MCC: variants seen among roughly 807,000 people sequenced by gnomAD.
MCC encodes colorectal mutant cancer protein.
Under a neutral mutation model 116.2 loss-of-function variants are expected in MCC, and 90 were observed. That is an observed-to-expected ratio of 0.77 (90% CI 0.65 to 0.92). The LOEUF (loss-of-function observed/expected upper bound fraction) is 0.92. Ranked by LOEUF, MCC falls within the 40% of genes least tolerant of loss-of-function variation. The pLI, the probability that MCC is intolerant of heterozygous loss-of-function variation, is 0.00. For missense variants in MCC, 1,516 were observed against 1,312.2 expected, an observed-to-expected ratio of 1.16 and a Z score of -2.40; for synonymous variants, 578 against 510.5, an observed-to-expected ratio of 1.13 and a Z score of -1.78.
chr5:113,360,620 C>T (rs754608957), intron 2 of MCC, among the ~76,000 whole-genome samples: 1 of 152,152 alleles, frequency 6.6e-6, no homozygotes, highest in Non-Finnish European at 1.5e-5. Context: ...GTTATGGAAC[C>T]ATTCAGACTT....
intron 3 of MCC, among the ~76,000 whole-genome samples, chr5:113,252,806 C>G (rs1374677021): frequency 1.3e-5 from 2 of 152,158 alleles, no homozygotes; most frequent in Admixed American, 1.3e-4. Context: ...CTCCTCCCAC[C>G]TCACTCCAAA....
chr5:113,173,131 T>C (rs1761159053), intron 3 of MCC, among the ~76,000 whole-genome samples: 1 of 152,212 alleles, frequency 6.6e-6, no homozygotes. Context: ...TTATCACATC[T>C]GTATGTTTCA....
At chr5:113,487,980 G>A (rs575202103) in intron 1 of MCC, among the ~76,000 whole-genome samples, 2 of 152,258 alleles carry the variant, frequency 1.3e-5, no homozygotes, top group Non-Finnish European at 2.9e-5. Context: ...GGAAGAGTGC[G>A]CATCCTAAGG....
intron 17 of MCC, among the ~76,000 whole-genome samples, chr5:113,032,824 C>A (rs202071714): frequency 6.6e-6 from 1 of 152,224 alleles, no homozygotes; most frequent in Non-Finnish European, 1.5e-5. Context: ...AAACCCAAGA[C>A]GGCCACAAGA....
At chr5:113,150,520 T>C (rs545317352) in intron 4 of MCC, among the ~76,000 whole-genome samples, 1 of 151,716 alleles carries the variant, frequency 6.6e-6, no homozygotes, top group East Asian at 1.9e-4. Flanking sequence ...TTAGAAAAAT[T>C]CAGAAGTGAG....
intron 3 of MCC, among the ~76,000 whole-genome samples, chr5:113,227,335 C>T (rs75574303): frequency 0.027 from 4,047 of 152,218 alleles, 91 homozygotes; most frequent in East Asian, 0.07. Flanking sequence ...TAAGTCTGTT[C>T]AAGTCTGCCA....
intron 3 of MCC, among the ~76,000 whole-genome samples, chr5:113,237,805 C>T (rs116200064): frequency 0.012 from 1,830 of 152,298 alleles, 40 homozygotes; most frequent in African/African-American, 0.043. Context: ...TGGCTGGATG[C>T]GACACACTGC....
At chr5:113,214,810 T>G (rs993613283) in intron 3 of MCC, among the ~76,000 whole-genome samples, 1 of 152,220 alleles carries the variant, frequency 6.6e-6, no homozygotes, top group Non-Finnish European at 1.5e-5. Context: ...CCATTCTCCA[T>G]GTAAAAAATA....
intron 1 of MCC, among the ~76,000 whole-genome samples, chr5:113,454,746 T>C (rs1017477583): frequency 2.6e-5 from 4 of 152,150 alleles, no homozygotes; most frequent in Non-Finnish European, 5.9e-5. Flanking sequence ...ATATTATATA[T>C]GGAGGGGAAA....
rs372744007 is a variant in MCC at position 113,167,748 on chromosome 5, AG to A, written c.628-16327del. On this transcript the variant is annotated intron_variant, in intron 3 of 18. Transcript: ENST00000408903. ...TAGGCTCAAGCAATTCTCTCACCTC[AG>A]CTTCCCAAGTAGCAGGGACTACAGG... Among the ~76,000 whole-genome samples the A allele has an allele frequency of 1.7e-3, 266 of 152,166 alleles. 1 individual carries two copies. Among genetic ancestry groups the A allele is most frequent in the African/African-American group, 5.6e-3 (234 of 41,522 alleles).
intron 8 of MCC, among the ~76,000 whole-genome samples, chr5:113,088,980 C>T (rs1208991496): frequency 2.6e-5 from 4 of 152,128 alleles, no homozygotes; most frequent in African/African-American, 7.2e-5. Context: ...TTTCTCTCTA[C>T]AAAATATATA....
chr5:113,181,878 G>T (rs1415206285), intron 3 of MCC, among the ~76,000 whole-genome samples: 1 of 152,132 alleles, frequency 6.6e-6, no homozygotes, highest in Non-Finnish European at 1.5e-5. Context: ...AAATTCTGAG[G>T]CCCAGGGGGG....
chr5:113,241,947 A>G (rs1764383368), intron 3 of MCC, among the ~76,000 whole-genome samples: 1 of 152,170 alleles, frequency 6.6e-6, no homozygotes, highest in Non-Finnish European at 1.5e-5. Context: ...TTCTTTTAGG[A>G]AAAAAACAGG....
In MCC at chr5:113,076,466, G is replaced by A. The variant is rs998011378; in HGVS notation, c.1785-5232C>T. Among the ~76,000 whole-genome samples, 3 of 152,252 alleles carry A rather than the reference G, an allele frequency of 2.0e-5. No individual in the cohort carries two copies. In the South Asian group the frequency reaches 6.2e-4, roughly 32 times the overall value. On this transcript the variant is annotated intron_variant, in intron 11 of 18. Transcript: ENST00000408903. ...ATCAGAGTAGTAGCTGATTTCTTGG[G>A]AGAAACTCTAAAAGCCAGAAGAGAG...
intron 3 of MCC, among the ~76,000 whole-genome samples, chr5:113,285,964 T>C (rs1356768111): frequency 6.6e-6 from 1 of 152,126 alleles, no homozygotes; most frequent in Non-Finnish European, 1.5e-5. Context: ...TTCACCAAAA[T>C]AGAAAAGGAG....
intron 5 of MCC, among the ~76,000 whole-genome samples, chr5:113,132,079 TA>T (rs1758465073): frequency 6.9e-6 from 1 of 144,060 alleles, no homozygotes; most frequent in Admixed American, 6.8e-5. Flanking sequence ...GTGTGGGATA[TA>T]AGCGTTTTTT....
In MCC at chr5:113,024,787, T is replaced by TCCCA. The variant is rs1750415320; in HGVS notation, c.*2514_*2515insTGGG. On this transcript the variant is annotated 3_prime_UTR_variant, in exon 19 of 19. Transcript: ENST00000408903. The stretch of plus-strand genomic sequence containing the variant: ...TCAGTAGCTCCCACAATTAGCATAA[T>TCCCA]CAAGTGCCACCTAGTTCACCTTCAA... 6.6e-6 allele frequency: 1 copy of TCCCA among 152,170 alleles called. No individual in the cohort carries two copies. The highest frequency in any genetic ancestry group is 1.5e-5 in the Non-Finnish European group (1 of 68,032). 9.4% of individuals were successfully genotyped at this position (152,170 alleles called of 1,614,324 possible).
intron 3 of MCC, among the ~76,000 whole-genome samples, chr5:113,281,406 G>C (rs898468647): frequency 6.6e-6 from 1 of 152,172 alleles, no homozygotes; most frequent in African/African-American, 2.4e-5. Flanking sequence ...AGGAAAGAAT[G>C]GTCATGCACC....
chr5:113,261,040 A>G (rs1006194956), intron 3 of MCC, among the ~76,000 whole-genome samples: 20 of 152,174 alleles, frequency 1.3e-4, no homozygotes, highest in Non-Finnish European at 2.8e-4. Context: ...CCGTTTACAA[A>G]TAATATACAG....
Sources: gnomAD v4.1 joint callset for allele counts (sites outside exome capture counted in the v4.1 genomes callset) on GRCh38, gnomAD v4.1.1 for gene constraint, MANE v1.5 for transcripts, NCBI Gene and HGNC (gene_info 2026-07-23, HGNC 2026-07-21) for gene names.